COL24A1: variants seen among roughly 807,000 people sequenced by gnomAD.
COL24A1 encodes the protein collagen type XXIV alpha 1 chain.
Under a neutral mutation model 253.9 loss-of-function variants are expected in COL24A1, and 224 were observed. The ratio of observed to expected loss-of-function variants is 0.88; its 90% confidence interval spans 0.79 to 0.99. The LOEUF (loss-of-function observed/expected upper bound fraction) is 0.99. Ranked by LOEUF, COL24A1 falls within the 50% of genes least tolerant of loss-of-function variation. The probability of loss-of-function intolerance (pLI) is 0.00; values close to 1 mark genes in which losing one functional copy is unlikely to be tolerated. For missense variants in COL24A1, 2,131 were observed against 2,068.5 expected, an observed-to-expected ratio of 1.03 and a Z score of -0.59; for synonymous variants, 685 against 673.7, an observed-to-expected ratio of 1.02 and a Z score of -0.26.
intron 37 of COL24A1, among the ~76,000 whole-genome samples, chr1:85,862,302 G>A (rs749174877): frequency 1.3e-5 from 2 of 152,132 alleles, no homozygotes; most frequent in South Asian, 2.1e-4. Flanking sequence ...AAACTTCATC[G>A]AATTCACAAA....
At position 86,091,349 on chromosome 1, in the gene COL24A1, G is replaced by GT. The variant is rs369969629; in HGVS notation, c.1653+917dup. On this transcript the variant is annotated intron_variant, in intron 6 of 59. Transcript: ENST00000370571. ...CATATAGTATCTGTAGAGTAATTAT[G>GT]TTTTTTTTTAAGTTTACAATTGTTT... 3.0e-3 allele frequency among the ~76,000 whole-genome samples: 455 copies of GT among 150,816 alleles called. 10 individuals carry two copies. The East Asian group carries it at 0.045, about 15-fold the overall frequency.
At chr1:86,151,092 T>G (rs551656451) in intron 1 of COL24A1, among the ~76,000 whole-genome samples, 2 of 150,424 alleles carry the variant, frequency 1.3e-5, no homozygotes, top group Non-Finnish European at 3.0e-5. Flanking sequence ...TTTGTATATA[T>G]GTGTGTGTGT....
intron 28 of COL24A1, among the ~76,000 whole-genome samples, chr1:85,899,388 T>C (rs1160719714): frequency 1.3e-5 from 2 of 152,222 alleles, no homozygotes; most frequent in Non-Finnish European, 2.9e-5. Flanking sequence ...TTCTTTGATA[T>C]TTTATTACTG....
At position 85,785,056 on chromosome 1, in the gene COL24A1, A is replaced by AT. The variant is rs368161433; in HGVS notation, c.4060-691dup. Among the ~76,000 whole-genome samples the AT allele has an allele frequency of 3.7e-3, 569 of 152,008 alleles. 3 individuals carry two copies. Among genetic ancestry groups the AT allele is most frequent in the African/African-American group, 0.013 (549 of 41,454 alleles). ...AGAACTTGTATTTTGAATTGATATC[A>AT]TTTTTCTGTGTTTTCCCTACCATCC... On this transcript the variant is annotated intron_variant, in intron 48 of 59. Transcript: ENST00000370571.
intron 7 of COL24A1, among the ~76,000 whole-genome samples, chr1:86,088,288 TC>T (rs1205048413): frequency 6.6e-6 from 1 of 151,986 alleles, no homozygotes; most frequent in Non-Finnish European, 1.5e-5. Context: ...GCAACCTAAG[TC>T]TCCCAATAGG....
chr1:85,870,134 CAAG>C (rs927321772), intron 35 of COL24A1, among the ~76,000 whole-genome samples: 47 of 152,196 alleles, frequency 3.1e-4, no homozygotes, highest in African/African-American at 1.1e-3. Context: ...ATCAATTCAA[CAAG>C]AAGAGCTAAC....
chr1:85,955,970 T>C (rs2100626294), intron 24 of COL24A1, among the ~76,000 whole-genome samples: 1 of 152,332 alleles, frequency 6.6e-6, no homozygotes, highest in South Asian at 2.1e-4. Context: ...AAAATTTTAT[T>C]TTACCCTTTT....
intron 1 of COL24A1, chr1:86,155,913 C>A (rs1040586816): frequency 6.1e-6 from 1 of 163,372 alleles, no homozygotes; most frequent in African/African-American, 2.4e-5. Flanking sequence ...TCACAGCAAT[C>A]GCCAGGCTGG....
chr1:85,838,750 T>C lies in COL24A1; in HGVS notation c.3628-112A>G, dbSNP rs980054. Reference sequence around the variant, plus strand: ...CTTTTGTCAAAAATATAAAACCAAATATATGATTTGTTTAGTTCCATTAAA... The same window carrying C: ...CTTTTGTCAAAAATATAAAACCAAACATATGATTTGTTTAGTTCCATTAAA... On this transcript the variant is annotated intron_variant, in intron 42 of 59. Coordinates refer to ENST00000370571, the MANE Select transcript of COL24A1 (RefSeq NM_152890.7). 14,900 of 938,700 alleles carry C rather than the reference T, an allele frequency of 0.016. 1,449 individuals carry two copies. The African/African-American group carries it at 0.21, about 13-fold the overall frequency. The allele number at this position is 938,700 out of a possible 1,614,324, so 58.1% of individuals were successfully genotyped here.
At chr1:86,023,051 G>A (rs1697700494) in intron 14 of COL24A1, 44 bp from the exon 15 acceptor site, 2 of 1,569,120 alleles carry the variant, frequency 1.3e-6, no homozygotes, top group Non-Finnish European at 8.7e-7. Flanking sequence ...GCATTCATTA[G>A]GATTAGAAAG....
chr1:85,890,583 A>C (rs1182699428), intron 31 of COL24A1, among the ~76,000 whole-genome samples: 1 of 151,970 alleles, frequency 6.6e-6, no homozygotes, highest in Admixed American at 6.6e-5. Flanking sequence ...TCATTTTTCC[A>C]TCAGGTTGTT....
intron 31 of COL24A1, among the ~76,000 whole-genome samples, chr1:85,893,495 G>A (rs936872115): frequency 2.6e-5 from 4 of 152,110 alleles, no homozygotes; most frequent in African/African-American, 7.2e-5. Context: ...CCTCAGTAAC[G>A]TATGAGTTAT....
chr1:86,119,353 T>A (rs1706478761), intron 3 of COL24A1, among the ~76,000 whole-genome samples: 1 of 152,112 alleles, frequency 6.6e-6, no homozygotes, highest in African/African-American at 2.4e-5. Flanking sequence ...TTTTTGATTA[T>A]GATAAGGTTT....
chr1:86,063,215 A>C (rs1304304875), intron 8 of COL24A1, among the ~76,000 whole-genome samples: 1 of 143,208 alleles, frequency 7.0e-6, no homozygotes, highest in African/African-American at 2.6e-5. Flanking sequence ...ATGGACAATG[A>C]TATATGTACC....
intron 24 of COL24A1, among the ~76,000 whole-genome samples, chr1:85,958,324 T>C (rs1185848124): frequency 2.0e-5 from 3 of 152,118 alleles, no homozygotes; most frequent in South Asian, 4.1e-4. Context: ...CAGCCTTCTC[T>C]CATCTATTGA....
intron 5 of COL24A1, among the ~76,000 whole-genome samples, chr1:86,111,961 C>T (rs906672780): frequency 3.3e-5 from 5 of 152,192 alleles, no homozygotes; most frequent in Non-Finnish European, 5.9e-5. Flanking sequence ...AAACTCTGGA[C>T]ACACCATCTT....
At chr1:86,024,021 A>G (rs1697796347) in intron 14 of COL24A1, among the ~76,000 whole-genome samples, 1 of 152,090 alleles carries the variant, frequency 6.6e-6, no homozygotes, top group Non-Finnish European at 1.5e-5. Flanking sequence ...TTAGAATTCT[A>G]ATTTCTTAGG....
In COL24A1 at chr1:85,995,318, T is replaced by C. The variant is rs560852004; in HGVS notation, c.2311-7664A>G. On this transcript the variant is annotated intron_variant, in intron 19 of 59. Transcript: ENST00000370571. ...CCAGGCTGGTCTTGAACTTCTGGCC[T>C]CAAGTGATACTCTTGCTTCAGACTC... Among the ~76,000 whole-genome samples the C allele has an allele frequency of 3.9e-5, 6 of 152,180 alleles. No homozygotes were observed. In the South Asian group the frequency reaches 1.2e-3, roughly 32 times the overall value.
chr1:85,865,655 G>T (rs545114094), intron 37 of COL24A1, among the ~76,000 whole-genome samples: 1 of 152,122 alleles, frequency 6.6e-6, no homozygotes, highest in Admixed American at 6.5e-5. Flanking sequence ...TCTTAATTCT[G>T]TTTTTTCCCT....
Sources: gnomAD v4.1 joint callset for allele counts (sites outside exome capture counted in the v4.1 genomes callset) on GRCh38, gnomAD v4.1.1 for gene constraint, MANE v1.5 for transcripts, NCBI Gene and HGNC (gene_info 2026-07-23, HGNC 2026-07-21) for gene names.